KDM4C: variants seen among roughly 807,000 people sequenced by gnomAD.
The protein encoded by KDM4C is lysine demethylase 4C.
A neutral mutation model predicts 129.3 loss-of-function variants in KDM4C; 81 were observed. The observed-to-expected ratio is 0.63, with a 90% CI of 0.52 to 0.75. The LOEUF is 0.75. Ranked by LOEUF, KDM4C falls within the 30% of genes least tolerant of loss-of-function variation. The pLI is 0.00. For synonymous variants in KDM4C, 573 were observed against 456.1 expected, an observed-to-expected ratio of 1.26 and a Z score of -3.26; for missense variants, 1,457 against 1,304.0, an observed-to-expected ratio of 1.12 and a Z score of -1.81.
rs372907596 is a variant in KDM4C at position 7,024,585 on chromosome 9, T to G, written c.2259+8656T>G. On this transcript the variant is annotated intron_variant, in intron 15 of 21. Coordinates refer to ENST00000381309, the MANE Select transcript of KDM4C (RefSeq NM_015061.6). ...ACCTGTGAGTGAGAACATGTGGTGT[T>G]TGGTTTTCTGTTCTTGCAATACTTT... Among the ~76,000 whole-genome samples, 38 of 152,084 alleles carry G rather than the reference T, an allele frequency of 2.5e-4. No homozygotes were observed. In the East Asian group the frequency reaches 6.0e-3, roughly 24 times the overall value.
In KDM4C at chr9:6,816,733, C is replaced by A. The variant is rs116674546; in HGVS notation, c.435+1988C>A. Reference sequence around the variant, plus strand: ...TAGCCACTCTGTTGGTGTGTGTAGTCGTATCTTTTGGTTTTAAGTTGCATT... The same window carrying A: ...TAGCCACTCTGTTGGTGTGTGTAGTAGTATCTTTTGGTTTTAAGTTGCATT... On this transcript the variant is annotated intron_variant, in intron 4 of 21. Coordinates refer to ENST00000381309, the MANE Select transcript of KDM4C (RefSeq NM_015061.6). 8.9e-3 allele frequency among the ~76,000 whole-genome samples: 1,352 copies of A among 152,178 alleles called. 27 individuals carry two copies. The highest frequency in any genetic ancestry group is 0.03 in the African/African-American group (1,238 of 41,516).
chr9:6,859,740 C>G (rs1156436935), intron 5 of KDM4C, among the ~76,000 whole-genome samples: 2 of 151,720 alleles, frequency 1.3e-5, no homozygotes, highest in African/African-American at 2.4e-5. Context: ...GTTGCAGGCG[C>G]CTGTAGTCCT....
chr9:7,076,798 TC>T (rs1328561348), intron 17 of KDM4C: 1 of 1,044,554 alleles, frequency 9.6e-7, no homozygotes, highest in African/African-American at 1.7e-5. Flanking sequence ...TGTGATTTAG[TC>T]CAACGTGTCC....
chr9:6,884,928 C>T (rs866673501), intron 6 of KDM4C, among the ~76,000 whole-genome samples: 4 of 152,332 alleles, frequency 2.6e-5, no homozygotes, highest in South Asian at 4.1e-4. Context: ...GGAAGGAACA[C>T]ACCTGTTCCA....
intron 19 of KDM4C, among the ~76,000 whole-genome samples, chr9:7,161,430 C>T (rs1843779889): frequency 6.6e-6 from 1 of 152,220 alleles, no homozygotes; most frequent in Admixed American, 6.5e-5. Context: ...CTGAGAGCTG[C>T]AGACGGGAGC....
intron 1 of KDM4C, among the ~76,000 whole-genome samples, chr9:6,769,681 G>T (rs1282963171): frequency 6.6e-6 from 1 of 152,132 alleles, no homozygotes; most frequent in Admixed American, 6.5e-5. Context: ...TGTCAATGAG[G>T]ATAGATCTCA....
intron 17 of KDM4C, chr9:7,076,491 C>G (rs891520310): frequency 1.9e-6 from 3 of 1,549,782 alleles, no homozygotes; most frequent in Non-Finnish European, 2.6e-6. Flanking sequence ...ACAATGAAGG[C>G]TCACTGTGAA....
chr9:6,865,637 G>A (rs144326100), intron 5 of KDM4C, among the ~76,000 whole-genome samples: 5,716 of 152,220 alleles, frequency 0.038, 172 homozygotes, highest in South Asian at 0.13. Flanking sequence ...CGTGATCTCA[G>A]CTCACTGTAA....
chr9:6,828,712 A>G (rs932404584), intron 4 of KDM4C, among the ~76,000 whole-genome samples: 1 of 152,030 alleles, frequency 6.6e-6, no homozygotes, highest in African/African-American at 2.4e-5. Context: ...CTCTACTAAA[A>G]AATATAAAAT....
chr9:7,158,640 G>T (rs893989664), intron 19 of KDM4C, among the ~76,000 whole-genome samples: 5 of 152,156 alleles, frequency 3.3e-5, no homozygotes, highest in African/African-American at 1.2e-4. Flanking sequence ...TTTCCATGTA[G>T]TTGAGCGGTT....
intron 8 of KDM4C, among the ~76,000 whole-genome samples, chr9:6,977,617 G>A (rs1017067546): frequency 6.6e-6 from 1 of 152,026 alleles, no homozygotes; most frequent in Non-Finnish European, 1.5e-5. Context: ...TGGACACCTG[G>A]GCAGTATTAA....
intron 17 of KDM4C, among the ~76,000 whole-genome samples, chr9:7,085,068 C>G (rs1174459132): frequency 6.6e-6 from 1 of 152,162 alleles, no homozygotes; most frequent in Admixed American, 6.5e-5. Flanking sequence ...AACAGTTACC[C>G]AGGTAAAGGA....
chr9:7,125,394 A>G (rs1839929418), intron 18 of KDM4C, among the ~76,000 whole-genome samples: 1 of 152,236 alleles, frequency 6.6e-6, no homozygotes, highest in African/African-American at 2.4e-5. Flanking sequence ...TTCATGGCAC[A>G]TACCTGTGTA....
At chr9:6,823,762 C>T (rs1301223452) in intron 4 of KDM4C, among the ~76,000 whole-genome samples, 1 of 152,194 alleles carries the variant, frequency 6.6e-6, no homozygotes, top group Non-Finnish European at 1.5e-5. Context: ...TGGTGAAGCT[C>T]TTCAGGAGCA....
chr9:7,021,696 G>T (rs10758817), intron 15 of KDM4C, among the ~76,000 whole-genome samples: 69,857 of 151,892 alleles, frequency 0.46, 16,270 homozygotes, highest in South Asian at 0.6. Flanking sequence ...TTCGTTGCCT[G>T]TGTTTATGGG....
chr9:7,046,816 T>A (rs1301501612), intron 15 of KDM4C, 46 bp from the exon 16 acceptor site: 1 of 1,298,926 alleles, frequency 7.7e-7, no homozygotes, highest in Admixed American at 1.7e-5. Context: ...TAATGACTTT[T>A]GTTATGTGGG....
intron 13 of KDM4C, among the ~76,000 whole-genome samples, chr9:7,012,561 A>G (rs1822903261): frequency 6.6e-6 from 1 of 152,158 alleles, no homozygotes; most frequent in Non-Finnish European, 1.5e-5. Context: ...TCACCTTCCC[A>G]TGTGGAACAT....
At chr9:7,037,257 T>C (rs1410825387) in intron 15 of KDM4C, among the ~76,000 whole-genome samples, 3 of 152,352 alleles carry the variant, frequency 2.0e-5, no homozygotes, top group South Asian at 4.1e-4. Flanking sequence ...ATTATTTTTC[T>C]ATGACACTGA....
At chr9:7,099,508 C>A (rs982878532) in intron 17 of KDM4C, among the ~76,000 whole-genome samples, 2 of 152,190 alleles carry the variant, frequency 1.3e-5, no homozygotes, top group African/African-American at 4.8e-5. Context: ...ATTCTCTCAG[C>A]CCTTGACACT....
Sources: gnomAD v4.1 joint callset for allele counts (sites outside exome capture counted in the v4.1 genomes callset) on GRCh38, gnomAD v4.1.1 for gene constraint, MANE v1.5 for transcripts, NCBI Gene and HGNC (gene_info 2026-07-23, HGNC 2026-07-21) for gene names.